The following EPHA3 variants were observed in gnomAD, a reference collection of about 807,000 sequenced individuals.
EPHA3 encodes the protein ephrin type-A receptor 3.
Under a neutral mutation model 107.1 loss-of-function variants are expected in EPHA3, and 42 were observed. The observed-to-expected ratio is 0.39, with a 90% CI of 0.31 to 0.51. EPHA3 has a LOEUF of 0.51. EPHA3 is among the 20% of genes least tolerant of loss of function. The pLI is 0.78. For missense variants in EPHA3, 1,183 were observed against 1,211.2 expected, an observed-to-expected ratio of 0.98 and a Z score of 0.35; for synonymous variants, 461 against 424.8, an observed-to-expected ratio of 1.09 and a Z score of -1.05.
chr3:89,184,837 T>G (rs1466129958), intron 2 of EPHA3, among the ~76,000 whole-genome samples: 1 of 152,032 alleles, frequency 6.6e-6, no homozygotes, highest in Non-Finnish European at 1.5e-5. Flanking sequence ...GCAGCAGTGA[T>G]ATTAGAATGT....
rs1205165027 is a variant in EPHA3, at chr3:89,429,176, G to C, written c.2136+9G>C. The C allele has an allele frequency of 1.7e-5, 27 of 1,601,206 alleles. No individual in the cohort carries two copies. The highest frequency in any genetic ancestry group is 2.2e-5 in the East Asian group (1 of 44,654). On this transcript the variant is annotated intron_variant, in intron 12 of 16. Transcript: ENST00000336596. Reference sequence around the variant, plus strand: ...TGGATAGTTTCCTACGTGTAAGTAAGATGCACACACATACATATATATGAA... The same window carrying C: ...TGGATAGTTTCCTACGTGTAAGTAACATGCACACACATACATATATATGAA...
At position 89,210,305 on chromosome 3, in the gene EPHA3, A is replaced by G. The variant is rs1042248812; in HGVS notation, c.599A>G (p.Lys200Arg). The change falls in exon 3 of 17, where the codon AAA becomes AGA. Residue 200 changes from lysine to arginine, a missense_variant. By Grantham distance (26) the Lys-to-Arg change is conservative (BLOSUM62 2). Coordinates refer to ENST00000336596, the MANE Select transcript of EPHA3 (RefSeq NM_005233.6). ...TTGGTGTCTGTGAGAGTATACTTCA[A>G]AAAGTGCCCATTTACAGTGAAGAAT... is the stretch of plus-strand genomic sequence containing the variant. ...VALVSVRVYF[K>R]KCPFTVKNLA... 1 of 1,613,650 alleles carries G rather than the reference A, an allele frequency of 6.2e-7. No individual in the cohort carries two copies. Among genetic ancestry groups the G allele is most frequent in the African/African-American group, 1.3e-5 (1 of 74,868 alleles).
intron 5 of EPHA3, among the ~76,000 whole-genome samples, chr3:89,376,339 A>G (rs968427323): frequency 3.3e-5 from 5 of 151,358 alleles, no homozygotes; most frequent in Non-Finnish European, 7.4e-5. Flanking sequence ...ATGTGTGTAT[A>G]TAAATATATA....
chr3:89,391,382 T>TTTTTC (rs58910915), intron 5 of EPHA3, among the ~76,000 whole-genome samples: 26,320 of 138,236 alleles, frequency 0.19, 2,910 homozygotes, highest in Non-Finnish European at 0.24. Context: ...TATTTGTATT[T>TTTTTC]TTTTCTTTTC....
At position 89,219,688 on chromosome 3, in the gene EPHA3, G is replaced by GTGTTTTTTTTTGTTTTTTTTTTT; in HGVS notation, c.814+9169_814+9170insGTTTTTTTTTGTTTTTTTTTTTT. 9.3e-3 allele frequency among the ~76,000 whole-genome samples: 321 copies of GTGTTTTTTTTTGTTTTTTTTTTT among 34,436 alleles called. 112 individuals are homozygous for GTGTTTTTTTTTGTTTTTTTTTTT. The highest frequency in any genetic ancestry group is 0.054 in the Middle Eastern group (3 of 56). 22.6% of individuals were successfully genotyped at this position (34,436 alleles called of 152,430 possible). A position where few individuals can be genotyped will look rare whatever the true frequency, so the allele number is the denominator to read the frequency against. ...TTACCTCCAAGAGGCATTTGGCAAT[G>GTGTTTTTTTTTGTTTTTTTTTTT]TTTTTTTTTTTTTTGTTTTTTGTTT... On this transcript the variant is annotated intron_variant, in intron 3 of 16. Coordinates refer to ENST00000336596, the MANE Select transcript of EPHA3 (RefSeq NM_005233.6).
chr3:89,215,907 G>T (rs760881064), intron 3 of EPHA3, among the ~76,000 whole-genome samples: 2 of 151,778 alleles, frequency 1.3e-5, no homozygotes, highest in Admixed American at 1.3e-4. Context: ...CATTATTAAA[G>T]TATACTTCTA....
chr3:89,394,007 G>A (rs76413953), intron 5 of EPHA3, among the ~76,000 whole-genome samples: 7,830 of 152,186 alleles, frequency 0.051, 694 homozygotes, highest in African/African-American at 0.18. Context: ...AAAGGTAAAT[G>A]ATGTTAATTT....
chr3:89,146,915 T>C (rs1319147529), intron 2 of EPHA3, among the ~76,000 whole-genome samples: 3 of 151,766 alleles, frequency 2.0e-5, no homozygotes, highest in Admixed American at 1.3e-4. Flanking sequence ...CTATTTACAA[T>C]AGAAAAACTT....
At chr3:89,287,011 C>T (rs934022485) in intron 3 of EPHA3, among the ~76,000 whole-genome samples, 1 of 152,130 alleles carries the variant, frequency 6.6e-6, no homozygotes, top group Non-Finnish European at 1.5e-5. Flanking sequence ...TTTATGAAAA[C>T]AGGAACATGT....
At chr3:89,233,980 G>A (rs1019918610) in intron 3 of EPHA3, among the ~76,000 whole-genome samples, 1 of 152,076 alleles carries the variant, frequency 6.6e-6, no homozygotes, top group African/African-American at 2.4e-5. Flanking sequence ...AGTTAAAGTG[G>A]GTTTAGTGTG....
At chr3:89,440,659 G>A (rs1381005241) in intron 13 of EPHA3, among the ~76,000 whole-genome samples, 1 of 152,148 alleles carries the variant, frequency 6.6e-6, no homozygotes, top group Non-Finnish European at 1.5e-5. Context: ...CAAGAACAGG[G>A]TTACCGTGTG....
At chr3:89,185,081 A>G (rs1268138212) in intron 2 of EPHA3, among the ~76,000 whole-genome samples, 5 of 152,090 alleles carry the variant, frequency 3.3e-5, no homozygotes, top group Non-Finnish European at 1.5e-5. Flanking sequence ...TGAAGGTAGT[A>G]TATGACTGGG....
At chr3:89,413,405 A>G (rs1709192214) in intron 10 of EPHA3, 139 bp downstream of exon 10, 1 of 1,084,974 alleles carries the variant, frequency 9.2e-7, no homozygotes, top group Non-Finnish European at 1.4e-6. Context: ...TAAGTGCAAT[A>G]TTTAATGGAA....
chr3:89,191,368 A>G (rs899081493), intron 2 of EPHA3, among the ~76,000 whole-genome samples: 3 of 151,534 alleles, frequency 2.0e-5, no homozygotes, highest in South Asian at 2.1e-4. Flanking sequence ...GTGCTGTGGC[A>G]CGATCTCGGC....
intron 2 of EPHA3, among the ~76,000 whole-genome samples, chr3:89,142,345 ATTG>A (rs573837548): frequency 1.8e-4 from 28 of 151,518 alleles, no homozygotes; most frequent in African/African-American, 6.3e-4. Context: ...GAGAGGAGTT[ATTG>A]TTTAATCTGT....
At chr3:89,470,022 C>G (rs145742678) in intron 15 of EPHA3, among the ~76,000 whole-genome samples, 1 of 151,332 alleles carries the variant, frequency 6.6e-6, no homozygotes, top group Admixed American at 6.6e-5. Context: ...AGAACTAAAA[C>G]GGCAAAAAAT....
intron 3 of EPHA3, among the ~76,000 whole-genome samples, chr3:89,263,197 A>G (rs1283588880): frequency 2.0e-5 from 3 of 151,608 alleles, no homozygotes; most frequent in African/African-American, 7.3e-5. Context: ...ATGTGAGAGC[A>G]TGTGGTGTTT....
chr3:89,471,690 G>A (rs1388597252), intron 15 of EPHA3, among the ~76,000 whole-genome samples: 14 of 151,904 alleles, frequency 9.2e-5, no homozygotes, highest in Non-Finnish European at 1.5e-4. Flanking sequence ...ATTGTATTGT[G>A]CAATATAAAT....
At chr3:89,230,769 A>G (rs1214040564) in intron 3 of EPHA3, among the ~76,000 whole-genome samples, 1 of 149,288 alleles carries the variant, frequency 6.7e-6, no homozygotes, top group Non-Finnish European at 1.5e-5. Context: ...GTATGGTTCC[A>G]CTTCCCAATA....
Sources: gnomAD v4.1 joint callset for allele counts (sites outside exome capture counted in the v4.1 genomes callset) on GRCh38, gnomAD v4.1.1 for gene constraint, MANE v1.5 for transcripts, NCBI Gene and HGNC (gene_info 2026-07-23, HGNC 2026-07-21) for gene names.